ZMYND8: variants seen among roughly 807,000 people sequenced by gnomAD.
The protein encoded by ZMYND8 is MYND-type zinc finger-containing chromatin reader ZMYND8.
ZMYND8 carries 37 observed loss-of-function variants against 140.8 expected under a neutral mutation model. That is an observed-to-expected ratio of 0.26 (90% CI 0.20 to 0.35). The LOEUF is 0.35. Among genes scored for constraint, ZMYND8 ranks in the 10% least tolerant of loss-of-function variants. The pLI is 1.00. For missense variants in ZMYND8, 1,068 were observed against 1,570.0 expected, an observed-to-expected ratio of 0.68 and a Z score of 5.40; for synonymous variants, 592 against 597.1, an observed-to-expected ratio of 0.99 and a Z score of 0.12.
intron 5 of ZMYND8, among the ~76,000 whole-genome samples, chr20:47,292,243 G>A (rs2077312261): frequency 6.6e-6 from 1 of 152,150 alleles, no homozygotes; most frequent in Non-Finnish European, 1.5e-5. Context: ...GACGTTCAAC[G>A]ATTTACTTGA....
intron 2 of ZMYND8, among the ~76,000 whole-genome samples, chr20:47,339,214 C>T (rs1220583907): frequency 1.3e-5 from 2 of 151,764 alleles, no homozygotes; most frequent in East Asian, 1.9e-4. Context: ...CCTTGTGATC[C>T]GCCCGCCTCG....
At chr20:47,235,311 G>A (rs1488155559) in intron 16 of ZMYND8, among the ~76,000 whole-genome samples, 1 of 152,118 alleles carries the variant, frequency 6.6e-6, no homozygotes, top group Non-Finnish European at 1.5e-5. Flanking sequence ...TATTACCACC[G>A]TGGTCTAATG....
Position 47,298,957 on chromosome 20 carries a change from A to G in ZMYND8, c.235-10T>C. 6.2e-7 allele frequency: 1 copy of G among 1,612,524 alleles called. No individual in the cohort carries two copies. Among genetic ancestry groups the G allele is most frequent in the Non-Finnish European group, 8.5e-7 (1 of 1,178,530 alleles). ...CATGTCTTAGTTCTGACTGAAATGTAGGCAAAAAGACAGGTTTGGTTTCAA... is the reference window on the plus strand; with the variant it reads ...CATGTCTTAGTTCTGACTGAAATGTGGGCAAAAAGACAGGTTTGGTTTCAA... On this transcript the variant is annotated splice_polypyrimidine_tract_variant and intron_variant, in intron 3 of 22. Coordinates refer to ENST00000471951, the MANE Select transcript of ZMYND8 (RefSeq NM_001281775.3). This position sits in a 1 kb window ranked among gnomAD's most constrained non-coding sequence, Gnocchi z 5.0.
intron 19 of ZMYND8, among the ~76,000 whole-genome samples, chr20:47,221,984 T>G (rs2037025694): frequency 1.3e-5 from 2 of 152,220 alleles, no homozygotes. Flanking sequence ...TGATTTTTAA[T>G]GGTTAGCAAT....
intron 2 of ZMYND8, among the ~76,000 whole-genome samples, chr20:47,330,466 A>G (rs2080847943): frequency 6.6e-6 from 1 of 151,314 alleles, no homozygotes; most frequent in Non-Finnish European, 1.5e-5. Flanking sequence ...AGCCTCCCAA[A>G]ATGCTGGGAT....
chr20:47,316,056 G>C (rs2079367458), intron 2 of ZMYND8, among the ~76,000 whole-genome samples: 1 of 152,204 alleles, frequency 6.6e-6, no homozygotes, highest in Non-Finnish European at 1.5e-5. Flanking sequence ...CATGAGGCCG[G>C]GCACGGTGGC....
At chr20:47,234,153 A>G (rs2038911256) in intron 16 of ZMYND8, among the ~76,000 whole-genome samples, 1 of 152,234 alleles carries the variant, frequency 6.6e-6, no homozygotes, top group Non-Finnish European at 1.5e-5. Context: ...GGTTCAAGCA[A>G]GTCTCGTGTA....
chr20:47,306,956 T>C (rs1438336978), intron 3 of ZMYND8, among the ~76,000 whole-genome samples: 2 of 152,072 alleles, frequency 1.3e-5, no homozygotes, highest in South Asian at 2.1e-4. Context: ...AGCACAGGCC[T>C]GTGTCTAAAG....
rs559132439 is a variant in ZMYND8 at position 47,235,399 on chromosome 20, C to T, written c.2856+927G>A. Reference sequence around the variant, plus strand: ...GCAGATGGTATCTACCTGAATTCAACAGTGACCATAAAAGCACTTGGCAGG... The same window carrying T: ...GCAGATGGTATCTACCTGAATTCAATAGTGACCATAAAAGCACTTGGCAGG... On this transcript the variant is annotated intron_variant, in intron 16 of 22. Coordinates refer to ENST00000471951, the MANE Select transcript of ZMYND8 (RefSeq NM_001281775.3). Among the ~76,000 whole-genome samples the T allele has an allele frequency of 9.9e-5, 15 of 152,194 alleles. No individual in the cohort carries two copies. The South Asian group carries it at 2.9e-3, about 29-fold the overall frequency.
intron 16 of ZMYND8, among the ~76,000 whole-genome samples, chr20:47,233,487 C>T (rs545028295): frequency 6.6e-6 from 1 of 152,228 alleles, no homozygotes; most frequent in South Asian, 2.1e-4. Flanking sequence ...GCGGTTACAG[C>T]CACTGGCTCA....
At chr20:47,314,988 A>C (rs1456640953) in intron 2 of ZMYND8, among the ~76,000 whole-genome samples, 1 of 152,196 alleles carries the variant, frequency 6.6e-6, no homozygotes, top group African/African-American at 2.4e-5. Context: ...ATTTCTAGGG[A>C]CATGGAGTCA....
chr20:47,278,445 A>C (rs1280396501), intron 10 of ZMYND8, among the ~76,000 whole-genome samples: 7 of 152,210 alleles, frequency 4.6e-5, no homozygotes, highest in Non-Finnish European at 8.8e-5. Flanking sequence ...AGGAATCTGG[A>C]CCCAACACTG....
intron 3 of ZMYND8, among the ~76,000 whole-genome samples, chr20:47,309,430 C>G (rs750389487): frequency 6.6e-6 from 1 of 152,150 alleles, no homozygotes; most frequent in Non-Finnish European, 1.5e-5. Context: ...CTCGGCCTCC[C>G]GAGTAGCTGG....
intron 14 of ZMYND8, among the ~76,000 whole-genome samples, chr20:47,242,684 T>C (rs943693416): frequency 2.6e-5 from 4 of 152,364 alleles, no homozygotes; most frequent in Admixed American, 6.5e-5. Flanking sequence ...TGCTCTGCAG[T>C]GATCACAGCT....
At chr20:47,332,139 C>T (rs2081007024) in intron 2 of ZMYND8, among the ~76,000 whole-genome samples, 1 of 152,046 alleles carries the variant, frequency 6.6e-6, no homozygotes, top group South Asian at 2.1e-4. Context: ...GGTGAAACCC[C>T]GTCTCTACTA....
At chr20:47,257,627 A>G (rs916772257) in intron 12 of ZMYND8, among the ~76,000 whole-genome samples, 1 of 152,128 alleles carries the variant, frequency 6.6e-6, no homozygotes, top group East Asian at 1.9e-4. Context: ...ATATACTGTC[A>G]TACCATATAC....
In ZMYND8 at chr20:47,231,953, T is replaced by A. The variant is rs74812433; in HGVS notation, c.2857-2147A>T. On this transcript the variant is annotated intron_variant, in intron 16 of 22. Coordinates refer to ENST00000471951, the MANE Select transcript of ZMYND8 (RefSeq NM_001281775.3). ...TTCAACATCGGTAAAGAACACCACT[T>A]TGCCAAAACACACAGAACTGCGTCT... Among the ~76,000 whole-genome samples, 811 of 152,358 alleles carry A rather than the reference T, an allele frequency of 5.3e-3. 10 individuals carry two copies. Among genetic ancestry groups the A allele is most frequent in the African/African-American group, 0.019 (775 of 41,586 alleles).
intron 2 of ZMYND8, among the ~76,000 whole-genome samples, chr20:47,343,793 A>G (rs113559891): frequency 0.027 from 4,029 of 151,650 alleles, 164 homozygotes; most frequent in African/African-American, 0.093. Flanking sequence ...CACCACATCC[A>G]GCCCCCAAAT....
At position 47,216,589 on chromosome 20, in the gene ZMYND8, C is replaced by A. The variant is rs565248851; in HGVS notation, c.3484+3669G>T. Among the ~76,000 whole-genome samples, 24 of 149,170 alleles carry A rather than the reference C, an allele frequency of 1.6e-4. No homozygotes were observed. In the East Asian group the frequency reaches 4.6e-3, roughly 28 times the overall value. On this transcript the variant is annotated intron_variant, in intron 21 of 22. Coordinates refer to ENST00000471951, the MANE Select transcript of ZMYND8 (RefSeq NM_001281775.3). ...TGGGAGGCCAAGGCACGTGAAATCA[C>A]CTGAGGTCAGGGGTTCAAGACCAGC...
Sources: gnomAD v4.1 joint callset for allele counts (sites outside exome capture counted in the v4.1 genomes callset) on GRCh38, gnomAD v4.1.1 for gene constraint, Gnocchi (gnomAD v3.1) non-coding constraint, MANE v1.5 for transcripts, NCBI Gene and HGNC (gene_info 2026-07-23, HGNC 2026-07-21) for gene names.